The following ITFG2 variants were observed in gnomAD, a reference collection of about 807,000 sequenced individuals.
The protein encoded by ITFG2 is KICSTOR complex protein ITFG2.
ITFG2 carries 36 observed loss-of-function variants against 54.4 expected under a neutral mutation model. That is an observed-to-expected ratio of 0.66 (90% CI 0.51 to 0.87). The LOEUF (loss-of-function observed/expected upper bound fraction) is 0.87. Ranked by LOEUF, ITFG2 falls within the 40% of genes least tolerant of loss-of-function variation. The pLI, the probability that ITFG2 is intolerant of heterozygous loss-of-function variation, is 0.00. For synonymous variants in ITFG2, 211 were observed against 225.4 expected, an observed-to-expected ratio of 0.94 and a Z score of 0.57; for missense variants, 524 against 576.7, an observed-to-expected ratio of 0.91 and a Z score of 0.94.
In ITFG2 at chr12:2,821,270, C is replaced by T. The variant is rs1401672906; in HGVS notation, c.704C>T (p.Pro235Leu). 1.2e-6 allele frequency: 2 copies of T among 1,606,716 alleles called. No individual in the cohort carries two copies. The highest frequency in any genetic ancestry group is 1.7e-6 in the Non-Finnish European group (2 of 1,176,424). ...CCACCTGCTGTGCACAGGGAGACCCCAGCTGCCCGAGACGTGGTGCTGCAC... is the reference window on the plus strand; with the variant it reads ...CCACCTGCTGTGCACAGGGAGACCCTAGCTGCCCGAGACGTGGTGCTGCAC... Reference protein sequence around the residue: ...EGPTDGSRETPAARDVVLHQT... With the variant: ...EGPTDGSRETLAARDVVLHQT... Residue 235 changes from proline (P) to leucine (L), a missense_variant, in exon 7 of 12, where the codon CCA becomes CTA. Physicochemically the swap from Pro to Leu is moderately conservative, Grantham distance 98. Coordinates refer to ENST00000228799, the MANE Select transcript of ITFG2 (RefSeq NM_018463.4).
At chr12:2,820,627 T>TC in intron 5 of ITFG2, 97 bp from the exon 6 acceptor site, 1 of 252,666 alleles carries the variant, frequency 4.0e-6, no homozygotes, top group South Asian at 3.5e-5. Flanking sequence ...GCCCTGCCCC[T>TC]GCCCCCGCCC....
chr12:2,846,049 C>G (rs2098052512), intron 2 of ITFG2, among the ~76,000 whole-genome samples: 1 of 152,158 alleles, frequency 6.6e-6, no homozygotes, highest in South Asian at 2.1e-4. Context: ...AGGTCGCGTG[C>G]TTGCTATTGC....
upstream of ITFG2, among the ~76,000 whole-genome samples, chr12:2,834,248 G>T (rs1193115694): frequency 6.6e-6 from 1 of 152,170 alleles, no homozygotes; most frequent in Non-Finnish European, 1.5e-5. Context: ...CTGGTCTGGG[G>T]AACCTGTGGT....
At chr12:2,837,664 A>C (rs1319423469) in intron 1 of ITFG2, among the ~76,000 whole-genome samples, 1 of 152,004 alleles carries the variant, frequency 6.6e-6, no homozygotes, top group Non-Finnish European at 1.5e-5. Context: ...AAACAAAAAC[A>C]AAACAAAATT....
chr12:2,833,729 G>GAAT (rs948423470), upstream of ITFG2, among the ~76,000 whole-genome samples: 1 of 152,032 alleles, frequency 6.6e-6, no homozygotes, highest in Admixed American at 6.6e-5. Flanking sequence ...ATAGCTGGGG[G>GAAT]AATAATAATA....
exon 2 of ITFG2, chr12:2,840,893 G>A (rs752358440): frequency 2.0e-5 from 3 of 152,610 alleles, no homozygotes; most frequent in Non-Finnish European, 2.9e-5. Flanking sequence ...GCTGAGCTGG[G>A]CAGAGTGGCT....
At chr12:2,854,265 T>C (rs1241770145) in intron 2 of ITFG2, among the ~76,000 whole-genome samples, 2 of 152,204 alleles carry the variant, frequency 1.3e-5, no homozygotes, top group African/African-American at 4.8e-5. Flanking sequence ...CCTCAGGTGA[T>C]CCGGCCGCCT....
In ITFG2 at chr12:2,821,753, G is replaced by A; in HGVS notation, c.909G>A (p.Val303=). 1 of 1,614,124 alleles carries A rather than the reference G, an allele frequency of 6.2e-7. No homozygotes were observed. The highest frequency in any genetic ancestry group is 1.1e-5 in the South Asian group (1 of 91,082). Residue 303 remains valine (V), a synonymous_variant, in exon 9 of 12, where the codon GTG becomes GTA. Transcript: ENST00000228799. ...EADKLLWSVQ[V]DHQLFALEKL... ...ACAAGCTGCTGTGGTCAGTGCAGGTGGATCACCAGCTCTTTGCCCTGGAGA... is the reference window on the plus strand; with the variant it reads ...ACAAGCTGCTGTGGTCAGTGCAGGTAGATCACCAGCTCTTTGCCCTGGAGA...
exon 3 of ITFG2, chr12:2,830,854 G>T (rs199998479): frequency 6.2e-7 from 1 of 1,612,344 alleles, no homozygotes. Context: ...ATCACACTGC[G>T]CGGCTGCTGG....
intron 2 of ITFG2, chr12:2,830,695 G>A (rs1244885342): frequency 3.7e-6 from 6 of 1,603,550 alleles, no homozygotes; most frequent in Non-Finnish European, 5.1e-6. Context: ...TGTGTCCCTG[G>A]GAGGCCTCTC....
At chr12:2,834,667 T>A (rs777156589), upstream of ITFG2, 14 of 1,609,688 alleles carry the variant, frequency 8.7e-6, no homozygotes, top group Non-Finnish European at 1.1e-5. Flanking sequence ...GCCGAGCCTC[T>A]TGAGGCTGTC....
chr12:2,840,656 G>A (rs2098038938), intron 1 of ITFG2, among the ~76,000 whole-genome samples: 1 of 150,344 alleles, frequency 6.7e-6, no homozygotes, highest in African/African-American at 2.5e-5. Flanking sequence ...CGAGGTGGCG[G>A]GCGCCTGTAG....
chr12:2,827,658 G>C (rs776939477), downstream of ITFG2: 1 of 1,614,178 alleles, frequency 6.2e-7, no homozygotes, highest in Non-Finnish European at 8.5e-7. The surrounding 1 kb of genome is among the most constrained non-coding windows in gnomAD (Gnocchi z 4.0). Flanking sequence ...GGCCCAGGCA[G>C]AATTCAGGAC....
intron 2 of ITFG2, among the ~76,000 whole-genome samples, chr12:2,841,879 C>T (rs1365473031): frequency 4.6e-5 from 7 of 151,250 alleles, no homozygotes; most frequent in African/African-American, 1.5e-4. Flanking sequence ...CCACCACGCC[C>T]GGCTAATTTT....
downstream of ITFG2, chr12:2,827,724 T>C (rs372033094): frequency 3.1e-6 from 5 of 1,613,000 alleles, no homozygotes; most frequent in Non-Finnish European, 4.2e-6. The surrounding 1 kb of genome is among the most constrained non-coding windows in gnomAD (Gnocchi z 4.0). Context: ...TTCCCAGTGG[T>C]CACTGCTGCC....
In ITFG2 at chr12:2,845,383, A is replaced by G. The variant is rs2098051027; in HGVS notation, n.300+4388A>G. On this transcript the variant is annotated intron_variant and non_coding_transcript_variant, in intron 2 of 3. Transcript: ENST00000537710. The surrounding 1 kb of genome is among the most constrained non-coding windows in gnomAD (Gnocchi z 4.2). ...TGACTGGCAACGTGGGTGGCCCTGT[A>G]TGGTCCCCCAGGGGTTCCCAGTCCC... Among the ~76,000 whole-genome samples, 1 of 152,110 alleles carries G rather than the reference A, an allele frequency of 6.6e-6. No individual in the cohort carries two copies.
downstream of ITFG2, among the ~76,000 whole-genome samples, chr12:2,831,513 G>A (rs953623059): frequency 3.9e-5 from 6 of 151,932 alleles, no homozygotes; most frequent in Admixed American, 3.9e-4. Flanking sequence ...GAACCTAGAA[G>A]GCAGAGGTTG....
downstream of ITFG2, among the ~76,000 whole-genome samples, chr12:2,831,642 G>T (rs762342837): frequency 2.0e-5 from 3 of 151,696 alleles, no homozygotes; most frequent in Non-Finnish European, 2.9e-5. Context: ...AGTCATCTTT[G>T]ACCTGTCCCT....
upstream of ITFG2, chr12:2,834,533 G>A (rs764583626): frequency 1.4e-6 from 2 of 1,438,290 alleles, no homozygotes; most frequent in Non-Finnish European, 1.8e-6. Flanking sequence ...CAAGGGAGCG[G>A]GACCTGAAAG....
Sources: gnomAD v4.1 joint callset for allele counts (sites outside exome capture counted in the v4.1 genomes callset) on GRCh38, gnomAD v4.1.1 for gene constraint, Gnocchi (gnomAD v3.1) non-coding constraint, MANE v1.5 for transcripts, NCBI Gene and HGNC (gene_info 2026-07-23, HGNC 2026-07-21) for gene names.